CALN1: variants seen among roughly 807,000 people sequenced by gnomAD.
CALN1 encodes calneuron 1.
In CALN1, 17 loss-of-function variants were observed where a neutral mutation model predicts 30.6. The observed-to-expected ratio is 0.56, with a 90% CI of 0.38 to 0.83. CALN1 has a LOEUF of 0.83. CALN1 is among the 40% of genes least tolerant of loss of function. The probability of loss-of-function intolerance (pLI) is 0.00; values close to 1 mark genes in which losing one functional copy is unlikely to be tolerated. For missense variants in CALN1, 291 were observed against 354.9 expected, an observed-to-expected ratio of 0.82 and a Z score of 1.45; for synonymous variants, 156 against 131.4, an observed-to-expected ratio of 1.19 and a Z score of -1.28.
rs1798576709 is a variant in CALN1, at chr7:71,984,776, C to T, written c.501+38881G>A. ...CTGACAGCAATAACTTTAGCATACA[C>T]TTAGAGTAACCCTGTATGGCAAACA... is the stretch of plus-strand genomic sequence containing the variant. On this transcript the variant is annotated intron_variant, in intron 5 of 6. Transcript: ENST00000395275. Among the ~76,000 whole-genome samples the T allele has an allele frequency of 3.3e-5, 5 of 152,328 alleles. 1 individual carries two copies. Among genetic ancestry groups the T allele is most frequent in the African/African-American group, 2.4e-5 (1 of 41,574 alleles).
At chr7:72,159,703 C>G (rs1463815385) in intron 3 of CALN1, among the ~76,000 whole-genome samples, 1 of 151,122 alleles carries the variant, frequency 6.6e-6, no homozygotes, top group Non-Finnish European at 1.5e-5. Context: ...GAGGCTGAGG[C>G]AGGAGGATGG....
chr7:71,843,138 A>C (rs1790030172), intron 5 of CALN1, among the ~76,000 whole-genome samples: 1 of 152,088 alleles, frequency 6.6e-6, no homozygotes, highest in Non-Finnish European at 1.5e-5. Flanking sequence ...ATCCACCATA[A>C]TTTCTACATC....
At chr7:72,123,843 T>C (rs1376253588) in intron 3 of CALN1, among the ~76,000 whole-genome samples, 1 of 152,226 alleles carries the variant, frequency 6.6e-6, no homozygotes, top group East Asian at 1.9e-4. Flanking sequence ...TCTCTCATTT[T>C]GTTTTAACAC....
intron 5 of CALN1, among the ~76,000 whole-genome samples, chr7:71,905,404 T>G (rs6958157): frequency 0.33 from 49,216 of 149,864 alleles, 9,013 homozygotes; most frequent in East Asian, 0.53. Flanking sequence ...TTTATCTCTA[T>G]CCCCCCTCCT....
intron 1 of CALN1, among the ~76,000 whole-genome samples, chr7:72,409,061 T>TC (rs1321118017): frequency 6.6e-6 from 1 of 151,790 alleles, no homozygotes; most frequent in Non-Finnish European, 1.5e-5. Flanking sequence ...AGTGGCACTA[T>TC]CTCAGCTTAC....
rs1457934078 is a variant in CALN1 at position 71,782,173 on chromosome 7, T to C, written c.*5602A>G. 1 of 152,208 alleles carries C rather than the reference T, an allele frequency of 6.6e-6. No homozygotes were observed. The highest frequency in any genetic ancestry group is 1.5e-5 in the Non-Finnish European group (1 of 68,050). 9.4% of individuals were successfully genotyped at this position (152,208 alleles called of 1,614,324 possible). On this transcript the variant is annotated 3_prime_UTR_variant, in exon 7 of 7. Transcript: ENST00000395275. ...CCCCAAATTTCATGTTGATCTCCAG[T>C]GCTGGAGGTGGGGCCTGCTGGGAGA...
At chr7:72,479,463 A>G in the CALN1 span, among the ~76,000 whole-genome samples, 1 of 151,764 alleles carries the variant, frequency 6.6e-6, no homozygotes, top group Non-Finnish European at 1.5e-5. Flanking sequence ...TTTGCTTAAC[A>G]TAAGGTCACA....
intron 5 of CALN1, among the ~76,000 whole-genome samples, chr7:72,002,211 T>C (rs1799560367): frequency 1.3e-5 from 2 of 152,184 alleles, no homozygotes; most frequent in Non-Finnish European, 1.5e-5. Flanking sequence ...GAAAAACCAC[T>C]GTAAATTGCA....
At chr7:72,268,474 C>T (rs760508315) in intron 3 of CALN1, among the ~76,000 whole-genome samples, 1 of 152,144 alleles carries the variant, frequency 6.6e-6, no homozygotes, top group Non-Finnish European at 1.5e-5. Flanking sequence ...TAATGGTTGA[C>T]AATTTTAACT....
intron 3 of CALN1, among the ~76,000 whole-genome samples, chr7:72,179,802 G>C (rs972173399): frequency 2.0e-5 from 3 of 151,862 alleles, no homozygotes. Context: ...CCTACGCACT[G>C]CAATGCACAT....
At chr7:71,847,058 C>G (rs568319065) in intron 5 of CALN1, among the ~76,000 whole-genome samples, 1 of 151,356 alleles carries the variant, frequency 6.6e-6, no homozygotes, top group South Asian at 2.1e-4. Context: ...AGGTGGCAAG[C>G]TAGAGACCCA....
intron 3 of CALN1, among the ~76,000 whole-genome samples, chr7:72,232,811 T>C (rs994539324): frequency 1.7e-4 from 26 of 152,176 alleles, no homozygotes; most frequent in Admixed American, 1.4e-3. Context: ...ATATGATATA[T>C]TGAAATTTTT....
chr7:72,028,058 C>CAAAA (rs34092922), intron 4 of CALN1, among the ~76,000 whole-genome samples: 5 of 82,758 alleles, frequency 6.0e-5, no homozygotes, highest in Non-Finnish European at 1.4e-4. Flanking sequence ...GACTCCGTCT[C>CAAAA]AAAAAAAAAA....
chr7:71,914,143 C>A (rs556874702), intron 5 of CALN1, among the ~76,000 whole-genome samples: 1 of 152,288 alleles, frequency 6.6e-6, no homozygotes, highest in East Asian at 1.9e-4. Flanking sequence ...CAGATTATTT[C>A]ATCACCTAGA....
At chr7:72,358,351 CTCTA>C (rs1803363353) in intron 2 of CALN1, among the ~76,000 whole-genome samples, 1 of 151,930 alleles carries the variant, frequency 6.6e-6, no homozygotes, top group African/African-American at 2.4e-5. Flanking sequence ...CACTCTGGAT[CTCTA>C]TATTTCCTCG....
intron 1 of CALN1, among the ~76,000 whole-genome samples, chr7:72,428,576 G>A (rs1807871530): frequency 6.6e-6 from 1 of 152,000 alleles, no homozygotes; most frequent in African/African-American, 2.4e-5. Context: ...ATTTTTTGTA[G>A]AGACAGGGTA....
intron 5 of CALN1, among the ~76,000 whole-genome samples, chr7:71,970,804 T>C (rs193286380): frequency 6.7e-4 from 102 of 152,254 alleles, no homozygotes; most frequent in African/African-American, 2.3e-3. Context: ...GTTTTCCTAT[T>C]TGACAAGGCC....
intron 3 of CALN1, among the ~76,000 whole-genome samples, chr7:72,125,467 C>T (rs1026489318): frequency 1.3e-5 from 2 of 152,012 alleles, no homozygotes; most frequent in South Asian, 2.1e-4. Flanking sequence ...GGAAGACAGA[C>T]GATGGGCACT....
At chr7:72,058,687 C>T (rs1206816130) in intron 4 of CALN1, among the ~76,000 whole-genome samples, 1 of 152,096 alleles carries the variant, frequency 6.6e-6, no homozygotes, top group African/African-American at 2.4e-5. Flanking sequence ...GCCAAGGGGG[C>T]AGGACTTTGG....
Sources: gnomAD v4.1 joint callset for allele counts (sites outside exome capture counted in the v4.1 genomes callset) on GRCh38, gnomAD v4.1.1 for gene constraint, MANE v1.5 for transcripts, NCBI Gene and HGNC (gene_info 2026-07-23, HGNC 2026-07-21) for gene names.